FDFT1: variants seen among roughly 807,000 people sequenced by gnomAD.
FDFT1 encodes the protein squalene synthase.
A neutral mutation model predicts 46.8 loss-of-function variants in FDFT1; 68 were observed. The ratio of observed to expected loss-of-function variants is 1.45; its 90% confidence interval spans 1.19 to 1.78. The LOEUF (loss-of-function observed/expected upper bound fraction) is 1.78, where lower values mean the gene tolerates loss of function less well. Among genes scored for constraint, FDFT1 ranks in the 40% most tolerant of loss-of-function variants. FDFT1 has a pLI of 0.00. For synonymous variants in FDFT1, 351 were observed against 185.1 expected (o/e 1.90, Z -7.28); for missense variants, 928 against 524.4 (o/e 1.77, Z -7.52).
intron 7 of FDFT1, among the ~76,000 whole-genome samples, chr8:11,833,997 TGA>T (rs1491390784): frequency 1.3e-5 from 2 of 152,248 alleles, no homozygotes; most frequent in Non-Finnish European, 1.5e-5. Context: ...AAGTTTTAAA[TGA>T]AAACATTTTG....
At chr8:11,808,168 C>A in intron 1 of FDFT1, 3 of 772,008 alleles carry the variant, frequency 3.9e-6, no homozygotes, top group Non-Finnish European at 4.9e-6. Flanking sequence ...GATGCAAAGA[C>A]AGATGCGTTG....
chr8:11,819,673 G>A (rs759101714), intron 3 of FDFT1, among the ~76,000 whole-genome samples: 3 of 151,894 alleles, frequency 2.0e-5, no homozygotes, highest in Non-Finnish European at 4.4e-5. Flanking sequence ...TGAAATTCTT[G>A]TACTTTGGTT....
chr8:11,822,641 C>T (rs1299755759), intron 4 of FDFT1, among the ~76,000 whole-genome samples: 1 of 151,974 alleles, frequency 6.6e-6, no homozygotes, highest in Admixed American at 6.6e-5. Flanking sequence ...TAGCGAGACC[C>T]CGTCTTTCAA....
At chr8:11,834,083 C>A (rs1811222779) in intron 7 of FDFT1, among the ~76,000 whole-genome samples, 1 of 152,210 alleles carries the variant, frequency 6.6e-6, no homozygotes, top group South Asian at 2.1e-4. Flanking sequence ...CCTTGCTGAC[C>A]AAGTCTGTCC....
intron 1 of FDFT1, among the ~76,000 whole-genome samples, chr8:11,797,137 G>A (rs1047334007): frequency 5.9e-5 from 9 of 152,212 alleles, no homozygotes; most frequent in Non-Finnish European, 1.2e-4. Flanking sequence ...ACTGGTGGGC[G>A]TGTCTTAAGG....
chr8:11,808,726 A>ACTCCCC, intron 1 of FDFT1, 68 bp from the exon 2 acceptor site: 1 of 1,561,322 alleles, frequency 6.4e-7, no homozygotes, highest in African/African-American at 1.4e-5. Flanking sequence ...TCCCACTCCC[A>ACTCCCC]CTCCCACTCC....
At chr8:11,802,430 C>G (rs1326747923), upstream of FDFT1, 3 of 459,170 alleles carry the variant, frequency 6.5e-6, no homozygotes, top group Non-Finnish European at 8.7e-6. Flanking sequence ...CCTCCAGTCC[C>G]CACAGCGTTC....
At chr8:11,800,551 A>T (rs553019928), upstream of FDFT1, among the ~76,000 whole-genome samples, 1 of 152,286 alleles carries the variant, frequency 6.6e-6, no homozygotes, top group Non-Finnish European at 1.5e-5. Context: ...AGGAGGAAGT[A>T]ACTTGTGGAA....
At chr8:11,832,427 G>C (rs1007749162) in intron 7 of FDFT1, among the ~76,000 whole-genome samples, 1 of 151,548 alleles carries the variant, frequency 6.6e-6, no homozygotes. Context: ...GTGCACGCCT[G>C]TGGTCCCAGC....
At chr8:11,819,681 G>T (rs1160044651) in intron 3 of FDFT1, among the ~76,000 whole-genome samples, 3 of 151,976 alleles carry the variant, frequency 2.0e-5, no homozygotes, top group Non-Finnish European at 2.9e-5. Context: ...TTGTACTTTG[G>T]TTTTCAGCTC....
upstream of FDFT1, among the ~76,000 whole-genome samples, chr8:11,799,663 G>C (rs570209249): frequency 6.6e-6 from 1 of 152,326 alleles, no homozygotes; most frequent in South Asian, 2.1e-4. Flanking sequence ...AATAGCACTT[G>C]TAGGCTGGGA....
intron 7 of FDFT1, among the ~76,000 whole-genome samples, chr8:11,834,727 G>A (rs1422474498): frequency 6.6e-6 from 1 of 152,226 alleles, no homozygotes; most frequent in African/African-American, 2.4e-5. Context: ...GAACTGCTGA[G>A]ACGTGGAAGT....
intron 1 of FDFT1, chr8:11,808,415 G>T: frequency 1.6e-6 from 2 of 1,256,356 alleles, no homozygotes; most frequent in Non-Finnish European, 2.0e-6. Flanking sequence ...GGTCGGCCCA[G>T]CGCGTATTCG....
rs535262343 is a variant in FDFT1 at position 11,809,787 on chromosome 8, A to G, written c.318A>G (p.Gln106=). 68 of 1,614,094 alleles carry G rather than the reference A, an allele frequency of 4.2e-5. No homozygotes were observed. The East Asian group carries it at 1.3e-3, about 31-fold the overall frequency. The part of the protein sequence containing the change: ...LLHNFHSFLY[Q]PDWRFMESKE... Reference sequence around the variant, plus strand: ...ACAACTTTCACTCTTTCCTTTACCAACCAGACTGGCGGTTCATGGAGAGCA... The same window carrying G: ...ACAACTTTCACTCTTTCCTTTACCAGCCAGACTGGCGGTTCATGGAGAGCA... The change falls in exon 3 of 8, where the codon CAA becomes CAG. Residue 106 remains glutamine, a synonymous_variant. Transcript: ENST00000220584.
chr8:11,818,368 C>T (rs1011746315), intron 3 of FDFT1, among the ~76,000 whole-genome samples: 1 of 152,192 alleles, frequency 6.6e-6, no homozygotes, highest in Non-Finnish European at 1.5e-5. Context: ...CTGTAGATGT[C>T]TGTTAGGTCT....
chr8:11,797,096 T>A (rs1805630458), intron 1 of FDFT1, among the ~76,000 whole-genome samples: 3 of 152,198 alleles, frequency 2.0e-5, no homozygotes, highest in Non-Finnish European at 4.4e-5. Flanking sequence ...ATCCTGGGTG[T>A]TGCGATGGCA....
chr8:11,807,970 G>C (rs1047213737), intron 1 of FDFT1: 1 of 152,398 alleles, frequency 6.6e-6, no homozygotes, highest in African/African-American at 2.4e-5. Context: ...CCGGATGTCA[G>C]TGGATGGAAA....
intron 3 of FDFT1, among the ~76,000 whole-genome samples, chr8:11,818,616 T>C (rs1808794112): frequency 1.3e-5 from 2 of 152,244 alleles, no homozygotes; most frequent in South Asian, 4.1e-4. Flanking sequence ...CATTATGTAG[T>C]GGCCTTCTTT....
In FDFT1 at chr8:11,830,234, A is replaced by G; in HGVS notation, c.703-10A>G. ...CGCTGACCTGTTCCTTAATCTTCTTATCTGTCTAGGTTTGGAGCAGGTATG... is the reference window on the plus strand; with the variant it reads ...CGCTGACCTGTTCCTTAATCTTCTTGTCTGTCTAGGTTTGGAGCAGGTATG... On this transcript the variant is annotated splice_polypyrimidine_tract_variant and intron_variant, in intron 5 of 7. Coordinates refer to ENST00000220584, the MANE Select transcript of FDFT1 (RefSeq NM_004462.5). 6.2e-7 allele frequency: 1 copy of G among 1,609,832 alleles called. No homozygotes were observed. Among genetic ancestry groups the G allele is most frequent in the Non-Finnish European group, 8.5e-7 (1 of 1,176,110 alleles).
Sources: gnomAD v4.1 joint callset for allele counts (sites outside exome capture counted in the v4.1 genomes callset) on GRCh38, gnomAD v4.1.1 for gene constraint, MANE v1.5 for transcripts, NCBI Gene and HGNC (gene_info 2026-07-23, HGNC 2026-07-21) for gene names.